The following ASTN2 variants were observed in gnomAD, a reference collection of about 807,000 sequenced individuals.
ASTN2 encodes the protein astrotactin-2.
A neutral mutation model predicts 139.8 loss-of-function variants in ASTN2; 54 were observed. That is an observed-to-expected ratio of 0.39 (90% confidence interval 0.31 to 0.48). The LOEUF (loss-of-function observed/expected upper bound fraction) is 0.48. Ranked by LOEUF, ASTN2 falls within the 20% of genes least tolerant of loss-of-function variation. The pLI, the probability that ASTN2 is intolerant of heterozygous loss-of-function variation, is 0.95. For synonymous variants in ASTN2, 756 were observed against 719.5 expected, an observed-to-expected ratio of 1.05 and a Z score of -0.81; for missense variants, 1,565 against 1,725.1, an observed-to-expected ratio of 0.91 and a Z score of 1.64.
At chr9:116,678,810 A>G (rs1004185154) in intron 16 of ASTN2, among the ~76,000 whole-genome samples, 1 of 152,194 alleles carries the variant, frequency 6.6e-6, no homozygotes, top group African/African-American at 2.4e-5. Flanking sequence ...GTTTGATAGA[A>G]AATTGTAAAG....
Position 117,235,684 on chromosome 9 carries a change from G to A in ASTN2, c.631-20942C>T, listed in dbSNP as rs1251209716. 2.0e-5 allele frequency among the ~76,000 whole-genome samples: 3 copies of A among 152,164 alleles called. No homozygotes were observed. In the South Asian group the frequency reaches 6.2e-4, roughly 32 times the overall value. Reference sequence around the variant, plus strand: ...GGCTGGGTCTAGGATGAGGCAAGTGGGTACTTGTCTTGTATGCAAAATTTA... The same window carrying A: ...GGCTGGGTCTAGGATGAGGCAAGTGAGTACTTGTCTTGTATGCAAAATTTA... On this transcript the variant is annotated intron_variant, in intron 2 of 22. Coordinates refer to ENST00000313400, the MANE Select transcript of ASTN2 (RefSeq NM_001365068.1).
intron 13 of ASTN2, among the ~76,000 whole-genome samples, chr9:116,746,387 A>G (rs1176327390): frequency 3.3e-5 from 5 of 151,928 alleles, no homozygotes; most frequent in African/African-American, 9.7e-5. Context: ...TGCCCGGCCA[A>G]TTGAGTCCTT....
chr9:117,218,361 T>C (rs559929557), intron 2 of ASTN2, among the ~76,000 whole-genome samples: 12 of 152,346 alleles, frequency 7.9e-5, no homozygotes, highest in Admixed American at 5.9e-4. Flanking sequence ...TCAGCTTCCA[T>C]CACCTCCAAC....
At chr9:116,752,083 C>A (rs1234466460) in intron 13 of ASTN2, among the ~76,000 whole-genome samples, 1 of 152,144 alleles carries the variant, frequency 6.6e-6, no homozygotes, top group Non-Finnish European at 1.5e-5. Context: ...CTGACACTAC[C>A]TGACTTTAAG....
chr9:116,886,417 C>G (rs1408723766), intron 10 of ASTN2, among the ~76,000 whole-genome samples: 1 of 152,108 alleles, frequency 6.6e-6, no homozygotes, highest in South Asian at 2.1e-4. Flanking sequence ...CTCCGTTGCC[C>G]AGGTTTCACT....
At position 117,096,789 on chromosome 9, in the gene ASTN2, A is replaced by G. The variant is rs534183344; in HGVS notation, c.1169-638T>C. ...AACACGGAGGGCCTGAGAAGGTTTT[A>G]TGCAGGAGCGAAGATTTAAGTCAGG... On this transcript the variant is annotated intron_variant, in intron 4 of 22. Transcript: ENST00000313400. 9.8e-5 allele frequency among the ~76,000 whole-genome samples: 15 copies of G among 152,298 alleles called. No individual in the cohort carries two copies. In the South Asian group the frequency reaches 2.9e-3, roughly 29 times the overall value.
At chr9:116,817,474 A>G (rs1831363833) in intron 12 of ASTN2, among the ~76,000 whole-genome samples, 1 of 152,160 alleles carries the variant, frequency 6.6e-6, no homozygotes, top group South Asian at 2.1e-4. Flanking sequence ...GTGGGGGTAC[A>G]AAGGAGAAAG....
intron 1 of ASTN2, among the ~76,000 whole-genome samples, chr9:117,338,352 C>T (rs368901853): frequency 1.3e-5 from 2 of 152,180 alleles, no homozygotes; most frequent in East Asian, 3.9e-4. Context: ...TCTTCCTAGA[C>T]CTGCATCTAA....
At chr9:116,790,050 C>T (rs184567205) in intron 13 of ASTN2, among the ~76,000 whole-genome samples, 114 of 151,636 alleles carry the variant, frequency 7.5e-4, no homozygotes, top group East Asian at 1.6e-3. Flanking sequence ...CTCAGCCTCC[C>T]GAGTAGTTTG....
At chr9:116,894,120 G>A (rs1833829297) in intron 10 of ASTN2, among the ~76,000 whole-genome samples, 1 of 152,136 alleles carries the variant, frequency 6.6e-6, no homozygotes, top group Non-Finnish European at 1.5e-5. Context: ...ACAGGTTAGA[G>A]GGAGAATCCA....
chr9:116,736,310 C>T (rs1828923421), intron 13 of ASTN2, among the ~76,000 whole-genome samples: 1 of 152,168 alleles, frequency 6.6e-6, no homozygotes, highest in Non-Finnish European at 1.5e-5. Context: ...TTGCCTTTCC[C>T]TAAGCATTCA....
At chr9:116,972,862 T>C (rs112097944) in intron 10 of ASTN2, among the ~76,000 whole-genome samples, 3,720 of 152,320 alleles carry the variant, frequency 0.024, 172 homozygotes, top group African/African-American at 0.086. Context: ...CCTTTGACTC[T>C]GCTTTTCCAC....
At chr9:116,741,925 CCATTCATTCGTT>C (rs1829105744) in intron 13 of ASTN2, among the ~76,000 whole-genome samples, 1 of 152,196 alleles carries the variant, frequency 6.6e-6, no homozygotes. Context: ...CTTCATTTAA[CCATTCATTCGTT>C]CATTCATTCA....
rs774286744 is a variant in ASTN2, at chr9:116,618,794, C to T, written c.3207-322G>A. On this transcript the variant is annotated intron_variant, in intron 18 of 22. Transcript: ENST00000313400. Reference sequence around the variant, plus strand: ...ATACTATATTCTCAACGATGCTTCACTTTCAATTAAATTGGCAGTGCCTTC... The same window carrying T: ...ATACTATATTCTCAACGATGCTTCATTTTCAATTAAATTGGCAGTGCCTTC... Among the ~76,000 whole-genome samples, 12 of 152,306 alleles carry T rather than the reference C, an allele frequency of 7.9e-5. No homozygotes were observed. In the East Asian group the frequency reaches 1.5e-3, roughly 20 times the overall value.
At chr9:117,034,469 A>T (rs1838328455) in intron 6 of ASTN2, among the ~76,000 whole-genome samples, 1 of 152,184 alleles carries the variant, frequency 6.6e-6, no homozygotes, top group South Asian at 2.1e-4. Flanking sequence ...GGCATTGATA[A>T]AGTCAAAGGT....
At chr9:116,685,947 A>G (rs1246135695) in intron 16 of ASTN2, among the ~76,000 whole-genome samples, 2 of 152,014 alleles carry the variant, frequency 1.3e-5, no homozygotes, top group African/African-American at 4.8e-5. Context: ...CTTTGGGCTG[A>G]TAACTGTGGT....
intron 12 of ASTN2, 64 bp from the exon 13 acceptor site, chr9:116,805,884 T>C (rs772217489): frequency 4.9e-5 from 74 of 1,521,996 alleles, no homozygotes; most frequent in Admixed American, 1.1e-4. Flanking sequence ...GGGGGTGACC[T>C]AAAACCAAGG....
At chr9:116,627,330 C>T (rs1177406936) in intron 17 of ASTN2, among the ~76,000 whole-genome samples, 2 of 152,136 alleles carry the variant, frequency 1.3e-5, no homozygotes, top group African/African-American at 2.4e-5. Flanking sequence ...GAAGTGCATA[C>T]AAGCATATTC....
At chr9:116,848,258 T>C (rs1291106378) in intron 11 of ASTN2, among the ~76,000 whole-genome samples, 1 of 152,144 alleles carries the variant, frequency 6.6e-6, no homozygotes. Flanking sequence ...TTGGATGTCT[T>C]TCTGTTTTCA....
Sources: allele counts gnomAD v4.1 joint callset (sites outside exome capture counted in the v4.1 genomes callset), GRCh38; gene constraint gnomAD v4.1.1; transcripts MANE v1.5; gene names NCBI Gene and HGNC (gene_info 2026-07-23, HGNC 2026-07-21).